Variants in GALNTL5 observed in about 807,000 individuals in gnomAD.
GALNTL5 encodes the protein inactive polypeptide N-acetylgalactosaminyltransferase-like protein 5.
GALNTL5 carries 44 observed loss-of-function variants against 51.0 expected under a neutral mutation model. That is an observed-to-expected ratio of 0.86 (90% CI 0.68 to 1.11). The LOEUF (loss-of-function observed/expected upper bound fraction) is 1.11. GALNTL5 is among the 50% of genes least tolerant of loss of function. GALNTL5 has a pLI of 0.00. For missense variants in GALNTL5, 528 were observed against 531.8 expected, an observed-to-expected ratio of 0.99 and a Z score of 0.07; for synonymous variants, 192 against 182.8, an observed-to-expected ratio of 1.05 and a Z score of -0.41.
chr7:151,992,109 T>G (rs2081435245), intron 5 of GALNTL5, among the ~76,000 whole-genome samples: 1 of 152,222 alleles, frequency 6.6e-6, no homozygotes, highest in South Asian at 2.1e-4. Flanking sequence ...ATATTTGATC[T>G]TGTAAATAGA....
chr7:151,981,028 A>G (rs535057912), intron 3 of GALNTL5, among the ~76,000 whole-genome samples: 2 of 152,056 alleles, frequency 1.3e-5, no homozygotes, highest in Admixed American at 1.3e-4. Context: ...TACAGGCTTG[A>G]GCCACCGCGC....
intron 5 of GALNTL5, among the ~76,000 whole-genome samples, chr7:151,996,047 G>A (rs532768552): frequency 2.0e-5 from 3 of 152,158 alleles, no homozygotes; most frequent in African/African-American, 7.2e-5. Flanking sequence ...TAGTTGCTTC[G>A]ATTTCTTTTT....
chr7:151,977,258 C>T (rs1385466545), intron 3 of GALNTL5, among the ~76,000 whole-genome samples: 2 of 152,088 alleles, frequency 1.3e-5, no homozygotes, highest in Non-Finnish European at 2.9e-5. Context: ...AATAAACTTT[C>T]CTATAACAAG....
At chr7:151,995,823 T>C (rs2081492618) in intron 5 of GALNTL5, among the ~76,000 whole-genome samples, 1 of 152,110 alleles carries the variant, frequency 6.6e-6, no homozygotes, top group Admixed American at 6.5e-5. Flanking sequence ...ATACAAAATA[T>C]TAATGGTGGA....
At chr7:152,003,564 T>C (rs373509595) in intron 6 of GALNTL5, among the ~76,000 whole-genome samples, 1 of 152,200 alleles carries the variant, frequency 6.6e-6, no homozygotes. Context: ...ACACATAGCA[T>C]AAGGCTTGAC....
intron 1 of GALNTL5, among the ~76,000 whole-genome samples, chr7:151,965,271 T>C (rs1420188374): frequency 1.3e-5 from 2 of 152,264 alleles, no homozygotes; most frequent in East Asian, 3.9e-4. Context: ...CCAATAACGT[T>C]CTCGCCTCCA....
In GALNTL5 at chr7:151,987,645, C is replaced by T. The variant is rs1435051199; in HGVS notation, c.658+364C>T. ...TGGGGTGGGCGGGAGGGAGCTGCAG[C>T]GCTCATCCACGGGGACCTCTGAAGC... On this transcript the variant is annotated intron_variant, in intron 5 of 8. Transcript: ENST00000392800. Among the ~76,000 whole-genome samples the T allele has an allele frequency of 4.6e-5, 7 of 151,824 alleles. No homozygotes were observed. The South Asian group carries it at 1.0e-3, about 23-fold the overall frequency.
In GALNTL5 at chr7:151,975,954, C is replaced by T. The variant is rs150320657; in HGVS notation, c.368+4889C>T. Reference sequence around the variant, plus strand: ...AAAAGATACTTGATATGATTTCAATCTTAAATTGTTAAGACTTGTTCTGTG... The same window carrying T: ...AAAAGATACTTGATATGATTTCAATTTTAAATTGTTAAGACTTGTTCTGTG... On this transcript the variant is annotated intron_variant, in intron 3 of 8. Transcript: ENST00000392800. Among the ~76,000 whole-genome samples the T allele has an allele frequency of 4.7e-4, 72 of 152,096 alleles. 1 individual carries two copies. The highest frequency in any genetic ancestry group is 1.8e-4 in the Non-Finnish European group (12 of 68,002).
At chr7:152,001,032 A>G (rs1248679689) in intron 5 of GALNTL5, among the ~76,000 whole-genome samples, 1 of 147,482 alleles carries the variant, frequency 6.8e-6, no homozygotes, top group Non-Finnish European at 1.5e-5. Flanking sequence ...CAGCCTCCTA[A>G]GTAGCTGGGA....
rs775985027 is a variant in GALNTL5 at position 152,014,717 on chromosome 7, G to A, written c.1100G>A (p.Gly367Glu). ...GGACATATCAGTAAGAAACAAACTG[G>A]AAAACCTTCTACAATCATCAGTGCT... is the stretch of plus-strand genomic sequence containing the variant. ...RVGHISKKQTGKPSTIISAMT... is the reference protein window; with the variant it reads ...RVGHISKKQTEKPSTIISAMT... The change falls in exon 8 of 9, where the codon GGA becomes GAA. Residue 367 changes from glycine (G) to glutamate (E), a missense_variant. Coordinates refer to ENST00000392800, the MANE Select transcript of GALNTL5 (RefSeq NM_145292.4). The A allele has an allele frequency of 5.6e-6, 9 of 1,613,890 alleles. No individual in the cohort carries two copies. In the South Asian group the frequency reaches 7.7e-5, roughly 14 times the overall value.
chr7:151,978,800 G>A (rs947439894), intron 3 of GALNTL5, among the ~76,000 whole-genome samples: 1 of 152,130 alleles, frequency 6.6e-6, no homozygotes, highest in Non-Finnish European at 1.5e-5. Flanking sequence ...CTTTGTATAT[G>A]TCTGTCTCTG....
intron 1 of GALNTL5, among the ~76,000 whole-genome samples, chr7:151,958,224 A>G (rs1451487498): frequency 6.6e-6 from 1 of 152,074 alleles, no homozygotes; most frequent in Non-Finnish European, 1.5e-5. Context: ...TGCTCTCCCC[A>G]CTGGACGCAG....
intron 1 of GALNTL5, among the ~76,000 whole-genome samples, chr7:151,957,057 A>C (rs2080934003): frequency 6.6e-6 from 1 of 151,594 alleles, no homozygotes; most frequent in African/African-American, 2.4e-5. Context: ...CTGTAATTCC[A>C]GCTCCTGGGA....
intron 5 of GALNTL5, among the ~76,000 whole-genome samples, chr7:151,990,515 A>C (rs1471383157): frequency 5.6e-5 from 7 of 125,604 alleles, no homozygotes; most frequent in Admixed American, 9.8e-5. Flanking sequence ...CGGGAGGCGG[A>C]GCTTGCAGTG....
intron 4 of GALNTL5, among the ~76,000 whole-genome samples, chr7:151,986,619 A>C (rs557668165): frequency 2.3e-4 from 35 of 152,150 alleles, no homozygotes; most frequent in Non-Finnish European, 4.3e-4. Context: ...TTGGTAACAG[A>C]ATGAGGCCCT....
chr7:152,010,724 T>C (rs1030166780), intron 7 of GALNTL5, among the ~76,000 whole-genome samples: 2 of 151,442 alleles, frequency 1.3e-5, no homozygotes, highest in Admixed American at 1.3e-4. Context: ...GCCGAGATCG[T>C]GCCACTGCAT....
At chr7:152,015,356 A>G (rs1586858445) in intron 8 of GALNTL5, among the ~76,000 whole-genome samples, 1 of 140,784 alleles carries the variant, frequency 7.1e-6, no homozygotes, top group Non-Finnish European at 1.5e-5. Flanking sequence ...CCCCATGTGC[A>G]ACTCTTTTTT....
At position 151,971,111 on chromosome 7, in the gene GALNTL5, A is replaced by ATAGT. The variant is rs763597238; in HGVS notation, c.368+49_368+50insTTAG. 2.6e-5 allele frequency: 31 copies of ATAGT among 1,211,650 alleles called. 1 individual carries two copies. The highest frequency in any genetic ancestry group is 5.0e-4 in the Middle Eastern group (2 of 4,040). The allele number at this position is 1,211,650 out of a possible 1,614,324, so 75.1% of individuals were successfully genotyped here. ...TCTCATTCTCTAGATAGATAGATAG[A>ATAGT]TAGATAGATAGATAGATAGATAGAT... On this transcript the variant is annotated intron_variant, in intron 3 of 8. Transcript: ENST00000392800.
chr7:152,003,299 C>T (rs2081605810), intron 6 of GALNTL5, among the ~76,000 whole-genome samples: 1 of 152,198 alleles, frequency 6.6e-6, no homozygotes, highest in Non-Finnish European at 1.5e-5. Context: ...GAAGGAGAGA[C>T]TCCATCATTT....
Sources: gnomAD v4.1 joint callset for allele counts (sites outside exome capture counted in the v4.1 genomes callset) on GRCh38, gnomAD v4.1.1 for gene constraint, MANE v1.5 for transcripts, NCBI Gene and HGNC (gene_info 2026-07-23, HGNC 2026-07-21) for gene names.